PPARGC1A: variants seen among roughly 807,000 people sequenced by gnomAD.
PPARGC1A encodes the protein peroxisome proliferator-activated receptor gamma coactivator 1-alpha.
In PPARGC1A, 25 loss-of-function variants were observed where a neutral mutation model predicts 88.7. The observed-to-expected ratio is 0.28, with a 90% confidence interval of 0.21 to 0.39. The LOEUF (loss-of-function observed/expected upper bound fraction) is 0.39. Ranked by LOEUF, PPARGC1A falls within the 10% of genes least tolerant of loss-of-function variation. The pLI is 1.00. For synonymous variants in PPARGC1A, 363 were observed against 355.6 expected (o/e 1.02, Z -0.24); for missense variants, 880 against 968.7 (o/e 0.91, Z 1.22).
chr4:23,847,959 A>C (rs532378377), intron 2 of PPARGC1A, among the ~76,000 whole-genome samples: 6 of 152,288 alleles, frequency 3.9e-5, no homozygotes, highest in Non-Finnish European at 8.8e-5. Flanking sequence ...GGGAAGAGAA[A>C]TAGCTAAAGT....
At chr4:24,396,434 C>T in the PPARGC1A span, among the ~76,000 whole-genome samples, 3 of 152,116 alleles carry the variant, frequency 2.0e-5, no homozygotes, top group Non-Finnish European at 2.9e-5. Flanking sequence ...TATAGTCCAG[C>T]ACTAAAGTAC....
upstream of PPARGC1A, among the ~76,000 whole-genome samples, chr4:23,905,298 T>C (rs1299092477): frequency 6.6e-6 from 1 of 152,338 alleles, no homozygotes; most frequent in Middle Eastern, 3.4e-3. Context: ...TGCCATCCAC[T>C]CTTCGCCCCC....
chr4:24,081,857 C>G, the PPARGC1A span, among the ~76,000 whole-genome samples: 48 of 152,062 alleles, frequency 3.2e-4, 1 homozygote, highest in East Asian at 7.8e-3. Context: ...GTTTTAATCC[C>G]GGTCTTTTTG....
Position 23,831,701 on chromosome 4 carries a change from T to C in PPARGC1A, c.285A>G (p.Thr95=). The C allele has an allele frequency of 1.9e-6, 3 of 1,614,032 alleles. No homozygotes were observed. Among genetic ancestry groups the C allele is most frequent in the African/African-American group, 1.3e-5 (1 of 75,052 alleles). ...EANLLAVLTE[T]LDSLPVDEDG... Reference sequence around the variant, plus strand: ...CTTCATCCACAGGGAGACTGTCTAGTGTCTCTGTGAGGACTGCTAGCAAGT... The same window carrying C: ...CTTCATCCACAGGGAGACTGTCTAGCGTCTCTGTGAGGACTGCTAGCAAGT... The change falls in exon 3 of 13, where the codon ACA becomes ACG. Residue 95 remains threonine (T), a synonymous_variant. Transcript: ENST00000264867.
At chr4:23,910,312 AATATT>A in the PPARGC1A span, among the ~76,000 whole-genome samples, 1 of 47,480 alleles carries the variant, frequency 2.1e-5, no homozygotes, top group East Asian at 3.9e-4. Context: ...CCCTATATAT[AATATT>A]ATATATATTA....
chr4:24,443,229 C>G, the PPARGC1A span, among the ~76,000 whole-genome samples: 1 of 148,362 alleles, frequency 6.7e-6, no homozygotes, highest in South Asian at 2.2e-4. Flanking sequence ...TTTAACGTCA[C>G]TATTTTAGTT....
the PPARGC1A span, among the ~76,000 whole-genome samples, chr4:23,932,683 T>G: frequency 2.0e-5 from 3 of 152,136 alleles, no homozygotes; most frequent in Non-Finnish European, 4.4e-5. Context: ...CTGTATTTAG[T>G]AGAAAGACAT....
chr4:24,175,078 G>A, the PPARGC1A span, among the ~76,000 whole-genome samples: 1 of 152,136 alleles, frequency 6.6e-6, no homozygotes, highest in Admixed American at 6.5e-5. Flanking sequence ...GTCCCCTACA[G>A]AGGCCTCGCG....
the PPARGC1A span, among the ~76,000 whole-genome samples, chr4:24,350,215 G>T: frequency 6.6e-6 from 1 of 152,172 alleles, no homozygotes; most frequent in Non-Finnish European, 1.5e-5. Context: ...TTGCTGGTTT[G>T]TTCTTGCAGT....
At chr4:24,234,908 A>G in the PPARGC1A span, among the ~76,000 whole-genome samples, 7 of 152,242 alleles carry the variant, frequency 4.6e-5, no homozygotes, top group African/African-American at 1.7e-4. Flanking sequence ...AGTATTTGCA[A>G]CATGAAAACA....
chr4:24,215,239 T>C, the PPARGC1A span, among the ~76,000 whole-genome samples: 7 of 152,210 alleles, frequency 4.6e-5, no homozygotes, highest in Admixed American at 1.3e-4. Context: ...CAGCATCTTG[T>C]CAGCCCATAC....
the PPARGC1A span, among the ~76,000 whole-genome samples, chr4:24,229,622 C>G: frequency 0.078 from 11,828 of 151,208 alleles, 653 homozygotes; most frequent in African/African-American, 0.15. Flanking sequence ...CACTTGAGGT[C>G]AGGAGTTCAA....
the PPARGC1A span, among the ~76,000 whole-genome samples, chr4:24,117,092 G>C: frequency 6.6e-6 from 1 of 151,894 alleles, no homozygotes; most frequent in Non-Finnish European, 1.5e-5. Context: ...AGGTTCCTCT[G>C]ACAGGATTAC....
chr4:24,345,552 G>T, the PPARGC1A span, among the ~76,000 whole-genome samples: 1 of 152,086 alleles, frequency 6.6e-6, no homozygotes. Context: ...TATTGTAAAA[G>T]AAGTGAGTTC....
chr4:24,387,930 GAAAGAGAA>G, the PPARGC1A span, among the ~76,000 whole-genome samples: 14 of 23,956 alleles, frequency 5.8e-4, no homozygotes, highest in South Asian at 3.0e-3. Flanking sequence ...AAGAAAGAAA[GAAAGAGAA>G]AGAAAGAAAG....
At chr4:24,172,501 C>A in the PPARGC1A span, among the ~76,000 whole-genome samples, 1 of 152,172 alleles carries the variant, frequency 6.6e-6, no homozygotes, top group Non-Finnish European at 1.5e-5. Context: ...ATGAGAGCTG[C>A]CACTCCTCTC....
rs932736358 is a variant in PPARGC1A at position 23,810,699 on chromosome 4, A to T, written c.2019+2048T>A. 5.3e-5 allele frequency among the ~76,000 whole-genome samples: 8 copies of T among 152,322 alleles called. No homozygotes were observed. In the East Asian group the frequency reaches 1.5e-3, roughly 29 times the overall value. On this transcript the variant is annotated intron_variant, in intron 10 of 12. Transcript: ENST00000264867. ...TGGCCATATAAGCAAATTTATGATG[A>T]AACTATTAATCTTTCTCTTTAATGT...
At chr4:24,127,925 C>T in the PPARGC1A span, among the ~76,000 whole-genome samples, 1 of 152,180 alleles carries the variant, frequency 6.6e-6, no homozygotes, top group African/African-American at 2.4e-5. Flanking sequence ...AGAATAGAAT[C>T]AGACAAAGAC....
At chr4:23,911,917 G>GGTGT in the PPARGC1A span, among the ~76,000 whole-genome samples, 3 of 152,158 alleles carry the variant, frequency 2.0e-5, no homozygotes, top group African/African-American at 7.2e-5. Context: ...AAACTAAAAA[G>GGTGT]CACCTGTTTT....
Sources: gnomAD v4.1 joint callset for allele counts (sites outside exome capture counted in the v4.1 genomes callset) on GRCh38, gnomAD v4.1.1 for gene constraint, MANE v1.5 for transcripts, NCBI Gene and HGNC (gene_info 2026-07-23, HGNC 2026-07-21) for gene names.